Variants in ACTN2 observed in about 807,000 individuals in gnomAD.
The protein encoded by ACTN2 is actinin alpha 2, also known as alpha-actinin-2.
Under a neutral mutation model 113.8 loss-of-function variants are expected in ACTN2, and 39 were observed. The ratio of observed to expected loss-of-function variants is 0.34; its 90% confidence interval spans 0.27 to 0.45. The LOEUF (loss-of-function observed/expected upper bound fraction) is 0.45. ACTN2 is among the 20% of genes least tolerant of loss of function. The pLI is 1.00. For synonymous variants in ACTN2, 429 were observed against 444.1 expected (o/e 0.97, Z 0.43); for missense variants, 992 against 1,177.9 (o/e 0.84, Z 2.31).
intron 1 of ACTN2, among the ~76,000 whole-genome samples, chr1:236,705,152 G>A (rs1657787727): frequency 6.6e-6 from 1 of 152,094 alleles, no homozygotes; most frequent in African/African-American, 2.4e-5. Flanking sequence ...GGCTATGAGA[G>A]TTATGAGCCA....
chr1:236,693,663 C>G (rs982897443), intron 1 of ACTN2, among the ~76,000 whole-genome samples: 1 of 152,182 alleles, frequency 6.6e-6, no homozygotes, highest in African/African-American at 2.4e-5. Context: ...CTTCCCCTCC[C>G]TGTGTGCTCC....
intron 1 of ACTN2, among the ~76,000 whole-genome samples, chr1:236,698,967 C>T (rs1012054157): frequency 5.9e-5 from 9 of 151,990 alleles, no homozygotes; most frequent in African/African-American, 1.2e-4. Flanking sequence ...AAGTGGTAGC[C>T]GGAAAATGCA....
intron 1 of ACTN2, among the ~76,000 whole-genome samples, chr1:236,709,440 G>A (rs1465450181): frequency 2.0e-5 from 3 of 150,594 alleles, no homozygotes; most frequent in African/African-American, 7.3e-5. Context: ...TGGTGTCAGA[G>A]TCAGAAATAC....
At chr1:236,734,796 T>G (rs1658817832) in intron 7 of ACTN2, among the ~76,000 whole-genome samples, 1 of 152,234 alleles carries the variant, frequency 6.6e-6, no homozygotes, top group Admixed American at 6.5e-5. Flanking sequence ...TGACTAGGTT[T>G]CACCATAGGG....
At chr1:236,739,106 A>G (rs1558241035) in intron 9 of ACTN2, among the ~76,000 whole-genome samples, 196 bp from the exon 10 acceptor site, 1 of 152,070 alleles carries the variant, frequency 6.6e-6, no homozygotes, top group African/African-American at 2.4e-5. Flanking sequence ...TGTGTTTGGT[A>G]TCGTTGGGGT....
At chr1:236,737,315 A>ATATATATATATATATATATATG (rs1428788821) in intron 9 of ACTN2, 101 bp downstream of exon 9, 9 of 294,994 alleles carry the variant, frequency 3.1e-5, no homozygotes, top group African/African-American at 2.1e-4. Context: ...ATATATATAT[A>ATATATATATATATATATATATG]TATTTTGCAT....
chr1:236,759,022 T>A (rs1298532139), intron 18 of ACTN2, among the ~76,000 whole-genome samples: 2 of 152,240 alleles, frequency 1.3e-5, no homozygotes, highest in Non-Finnish European at 2.9e-5. Flanking sequence ...AAAATGCCTC[T>A]GGGCTAGATA....
intron 4 of ACTN2, among the ~76,000 whole-genome samples, chr1:236,724,838 CTTTT>C (rs5781922): frequency 6.1e-5 from 5 of 81,620 alleles, no homozygotes; most frequent in African/African-American, 1.2e-4. Context: ...TGGGTTTTTC[CTTTT>C]TTTTTTTTTT....
chr1:236,757,127 CCG>C (rs2102946436), intron 17 of ACTN2, among the ~76,000 whole-genome samples: 2 of 14,868 alleles, frequency 1.3e-4, no homozygotes, highest in African/African-American at 3.5e-4. Flanking sequence ...CCCGCTGCCA[CCG>C]TTAGAACCCT....
At chr1:236,697,322 T>A (rs916042674) in intron 1 of ACTN2, among the ~76,000 whole-genome samples, 1 of 152,018 alleles carries the variant, frequency 6.6e-6, no homozygotes, top group African/African-American at 2.4e-5. Context: ...CAAGACCCTG[T>A]CTCAAAAAAA....
chr1:236,744,872 G>T, intron 12 of ACTN2, 96 bp downstream of exon 12: 1 of 1,541,198 alleles, frequency 6.5e-7, no homozygotes. Context: ...TAAACGCAGA[G>T]GGAACCACGC....
In ACTN2 at chr1:236,759,898, G is replaced by A. The variant is rs115264842; in HGVS notation, c.2367+109G>A. 1.1e-3 allele frequency: 1,108 copies of A among 972,522 alleles called. 16 individuals are homozygous for A. The African/African-American group carries it at 0.016, about 14-fold the overall frequency. The allele number at this position is 972,522 out of a possible 1,614,324, so 60.2% of individuals were successfully genotyped here. ...AAGGTAGTGCATTTGGGATTGGTTCGTTTTCATTATATAGGATAATATTTT... is the reference window on the plus strand; with the variant it reads ...AAGGTAGTGCATTTGGGATTGGTTCATTTTCATTATATAGGATAATATTTT... On this transcript the variant is annotated intron_variant, in intron 19 of 20. Transcript: ENST00000366578.
At chr1:236,761,251 A>G in intron 20 of ACTN2, 78 bp downstream of exon 20, 1 of 1,550,200 alleles carries the variant, frequency 6.5e-7, no homozygotes, top group African/African-American at 1.4e-5. Context: ...CAGTGTTGTA[A>G]ATAAAAACCA....
intron 10 of ACTN2, among the ~76,000 whole-genome samples, chr1:236,741,634 C>T (rs999016340): frequency 5.3e-5 from 8 of 152,156 alleles, no homozygotes; most frequent in African/African-American, 1.7e-4. Flanking sequence ...CAGAATACAT[C>T]GTAAGTAAAT....
chr1:236,762,725 A>G lies in ACTN2; in HGVS notation c.*106A>G, dbSNP rs1032334316. 125 of 1,227,406 alleles carry G rather than the reference A, an allele frequency of 1.0e-4. No homozygotes were observed. Among genetic ancestry groups the G allele is most frequent in the Middle Eastern group, 2.6e-4 (1 of 3,878 alleles). The allele number at this position is 1,227,406 out of a possible 1,614,324, so 76.0% of individuals were successfully genotyped here. A position where few individuals can be genotyped will look rare whatever the true frequency, so the allele number is the denominator to read the frequency against. On this transcript the variant is annotated 3_prime_UTR_variant, in exon 21 of 21. Transcript: ENST00000366578. ...AGCTTTATTAAGTTGAGAGAGAGAG[A>G]GGGGAAAAAAAAAAGCCTTTCGTAG...
In ACTN2 at chr1:236,686,679, C is replaced by A. The variant is rs755508640; in HGVS notation, c.6C>A (p.Asn2Lys). 4 of 1,559,476 alleles carry A rather than the reference C, an allele frequency of 2.6e-6. No individual in the cohort carries two copies. The East Asian group carries it at 7.7e-5, about 30-fold the overall frequency. ...GCCCCGGCCAACCGAGCGCCATGAACCAGATAGAGCCCGGCGTGCAGTACA... is the reference window on the plus strand; with the variant it reads ...GCCCCGGCCAACCGAGCGCCATGAAACAGATAGAGCCCGGCGTGCAGTACA... M[N>K]QIEPGVQYNY... The change falls in exon 1 of 21, where the codon AAC becomes AAA. Residue 2 changes from asparagine (N) to lysine (K), a missense_variant. By Grantham distance (94) the Asn-to-Lys change is moderately conservative. Around this residue, in one of 3 missense-constraint regions of ACTN2, gnomAD observed 36 missense variants for 25.0 expected, o/e 1.44. Coordinates refer to ENST00000366578, the MANE Select transcript of ACTN2 (RefSeq NM_001103.4).
chr1:236,707,236 T>G (rs1457148898), intron 1 of ACTN2, among the ~76,000 whole-genome samples: 1 of 152,250 alleles, frequency 6.6e-6, no homozygotes, highest in Non-Finnish European at 1.5e-5. Flanking sequence ...CTCTTTGCTC[T>G]CCAGCAGGGG....
chr1:236,686,710 G>T lies in ACTN2; in HGVS notation c.37G>T (p.Val13Leu), dbSNP rs1386246024. ...QIEPGVQYNYVYDEDEYMIQE... is the reference protein window; with the variant it reads ...QIEPGVQYNYLYDEDEYMIQE... ...AGAGCCCGGCGTGCAGTACAACTACGTGTACGACGAGGATGAGTACATGAT... is the reference window on the plus strand; with the variant it reads ...AGAGCCCGGCGTGCAGTACAACTACTTGTACGACGAGGATGAGTACATGAT... Residue 13 changes from valine to leucine, a missense_variant, in exon 1 of 21, where the codon GTG (valine) becomes TTG (leucine). This residue lies in a region of ACTN2 where 36 missense variants were observed against 25.0 expected (regional missense o/e 1.44). Transcript: ENST00000366578. 2 of 1,567,784 alleles carry T rather than the reference G, an allele frequency of 1.3e-6. No homozygotes were observed. The highest frequency in any genetic ancestry group is 1.7e-6 in the Non-Finnish European group (2 of 1,156,898).
At chr1:236,740,824 C>T (rs893371769) in intron 10 of ACTN2, among the ~76,000 whole-genome samples, 13 of 152,078 alleles carry the variant, frequency 8.5e-5, no homozygotes, top group African/African-American at 3.1e-4. Flanking sequence ...TTTACATTCT[C>T]AGTTTTTTTG....
Sources: allele counts gnomAD v4.1 joint callset (sites outside exome capture counted in the v4.1 genomes callset), GRCh38; gene constraint gnomAD v4.1.1; regional missense constraint gnomAD v4.1.1; transcripts MANE v1.5; gene names NCBI Gene and HGNC (gene_info 2026-07-23, HGNC 2026-07-21).